CRISP2: variants seen among roughly 807,000 people sequenced by gnomAD.
CRISP2 encodes cysteine rich secretory protein 2.
Under a neutral mutation model 31.7 loss-of-function variants are expected in CRISP2, and 29 were observed. The observed-to-expected ratio is 0.92, with a 90% CI of 0.68 to 1.25. CRISP2 has a LOEUF of 1.25. Ranked by LOEUF, CRISP2 falls within the 50% of genes most tolerant of loss-of-function variation. The probability of loss-of-function intolerance (pLI) is 0.00; values close to 1 mark genes in which losing one functional copy is unlikely to be tolerated. For missense variants in CRISP2, 318 were observed against 286.5 expected (o/e 1.11, Z -0.79); for synonymous variants, 111 against 101.4 (o/e 1.09, Z -0.57).
intron 6 of CRISP2, among the ~76,000 whole-genome samples, chr6:49,698,775 T>C (rs1765179780): frequency 6.6e-6 from 1 of 152,094 alleles, no homozygotes; most frequent in Non-Finnish European, 1.5e-5. Flanking sequence ...ATGCTAAATT[T>C]TCCACATGTG....
rs1485885136 is a variant in CRISP2, at chr6:49,709,199, C to A, written c.-3G>T. On this transcript the variant is annotated 5_prime_UTR_variant, in exon 4 of 10. Transcript: ENST00000339139. Reference sequence around the variant, plus strand: ...AACAACACCGGTAGTAAAGCCATTGCTGGAAACTAAGTCAAGAAAAACAAA... The same window carrying A: ...AACAACACCGGTAGTAAAGCCATTGATGGAAACTAAGTCAAGAAAAACAAA... 1 of 1,613,242 alleles carries A rather than the reference C, an allele frequency of 6.2e-7. No homozygotes were observed. Among genetic ancestry groups the A allele is most frequent in the Admixed American group, 1.7e-5 (1 of 59,992 alleles).
rs754988764 is a variant in CRISP2, at chr6:49,698,462, G to A, written c.317C>T (p.Ser106Phe). ...ENLYMSSDPT[S>F]WSSAIQSWYD... ...CCAGCTTTGGATTGCAGAAGACCAGGAAGTAGGGTCACTTGACATATAGAG... is the reference window on the plus strand; with the variant it reads ...CCAGCTTTGGATTGCAGAAGACCAGAAAGTAGGGTCACTTGACATATAGAG... The change falls in exon 7 of 10, where the codon TCC (serine) becomes TTC (phenylalanine). Residue 106 changes from serine (S) to phenylalanine (F), a missense_variant. By Grantham distance (155) the Ser-to-Phe change is radical. Transcript: ENST00000339139. 5.6e-6 allele frequency: 9 copies of A among 1,613,154 alleles called. 1 individual carries two copies. The South Asian group carries it at 8.8e-5, about 16-fold the overall frequency.
intron 4 of CRISP2, among the ~76,000 whole-genome samples, chr6:49,701,093 C>G (rs192814232): frequency 4.6e-5 from 7 of 152,104 alleles, no homozygotes; most frequent in African/African-American, 1.7e-4. Flanking sequence ...CTAAAAACCC[C>G]TCTGAGGCCA....
chr6:49,711,356 G>A (rs1767977013), intron 2 of CRISP2, 35 bp from the exon 3 acceptor site: 1 of 152,152 alleles, frequency 6.6e-6, no homozygotes, highest in Non-Finnish European at 1.5e-5. Context: ...GTTTAGAGCA[G>A]CATATATATT....
intron 5 of CRISP2, 127 bp downstream of exon 5, chr6:49,700,541 T>C: frequency 1.4e-6 from 1 of 698,912 alleles, no homozygotes; most frequent in Non-Finnish European, 2.6e-6. Context: ...ATATAATGGT[T>C]CAAATAAAAT....
the CRISP2 span, among the ~76,000 whole-genome samples, chr6:49,687,135 T>G: frequency 6.6e-6 from 1 of 152,112 alleles, no homozygotes; most frequent in Non-Finnish European, 1.5e-5. Flanking sequence ...CACACCAACA[T>G]GTCACATGTA....
intron 4 of CRISP2, among the ~76,000 whole-genome samples, chr6:49,708,212 C>A (rs987840368): frequency 3.9e-5 from 6 of 152,022 alleles, no homozygotes; most frequent in South Asian, 2.1e-4. Context: ...AGCTTTCTAA[C>A]CCCATAGACC....
upstream of CRISP2, chr6:49,713,567 G>A (rs1481077044): frequency 6.6e-6 from 1 of 152,242 alleles, no homozygotes; most frequent in Non-Finnish European, 1.5e-5. Flanking sequence ...CACCGCGATT[G>A]TTCACTTGCC....
At chr6:49,704,577 G>A (rs1310168925) in intron 4 of CRISP2, among the ~76,000 whole-genome samples, 1 of 152,094 alleles carries the variant, frequency 6.6e-6, no homozygotes, top group African/African-American at 2.4e-5. Flanking sequence ...CTAGAGATGG[G>A]GCTTCCTGAG....
chr6:49,700,919 A>C (rs563069055), intron 4 of CRISP2, 135 bp from the exon 5 acceptor site: 1 of 526,540 alleles, frequency 1.9e-6, no homozygotes, highest in Non-Finnish European at 3.3e-6. Context: ...ATTAAATACT[A>C]AAGTTATTTA....
Position 49,711,389 on chromosome 6 carries a change from A to T in CRISP2, c.-46-68T>A, listed in dbSNP as rs76783602. 19 of 152,250 alleles carry T rather than the reference A, an allele frequency of 1.2e-4. 1 individual carries two copies. Among genetic ancestry groups the T allele is most frequent in the East Asian group, 1.2e-3 (6 of 5,174 alleles). The allele number at this position is 152,250 out of a possible 1,614,324, so 9.4% of individuals were successfully genotyped here. A position where few individuals can be genotyped will look rare whatever the true frequency, so the allele number is the denominator to read the frequency against. ...ATTACACATATTCCTGTTTTGTCAA[A>T]CTCTGGTTTTGTTAAATAAATCTAA... On this transcript the variant is annotated intron_variant, in intron 2 of 9. Transcript: ENST00000339139.
the CRISP2 span, among the ~76,000 whole-genome samples, chr6:49,682,581 CTTTCT>C: frequency 1.1e-5 from 1 of 88,900 alleles, no homozygotes; most frequent in Non-Finnish European, 2.1e-5. Context: ...CTTTTTCTTT[CTTTCT>C]TTTTCTTTCT....
At chr6:49,683,694 A>AAAAAAATATATATAT in the CRISP2 span, among the ~76,000 whole-genome samples, 2 of 6,178 alleles carry the variant, frequency 3.2e-4, no homozygotes, top group Non-Finnish European at 7.6e-4. Context: ...AAAAAAAAAA[A>AAAAAAATATATATAT]ATATATATAT....
intron 9 of CRISP2, 43 bp from the exon 10 acceptor site, chr6:49,692,943 A>G (rs1157859457): frequency 1.9e-6 from 3 of 1,605,164 alleles, no homozygotes; most frequent in African/African-American, 2.7e-5. Flanking sequence ...CGTTTTCCTC[A>G]GTAAGAGCAA....
chr6:49,704,899 T>C (rs1766748397), intron 4 of CRISP2, among the ~76,000 whole-genome samples: 1 of 152,226 alleles, frequency 6.6e-6, no homozygotes, highest in Non-Finnish European at 1.5e-5. Flanking sequence ...GGCAGTGGAA[T>C]TAACTGCTGT....
chr6:49,683,099 A>G, the CRISP2 span, among the ~76,000 whole-genome samples: 1 of 151,904 alleles, frequency 6.6e-6, no homozygotes. Context: ...CAGAGGTTGT[A>G]GAGAGCTGAG....
chr6:49,677,668 A>G, the CRISP2 span, among the ~76,000 whole-genome samples: 18 of 152,252 alleles, frequency 1.2e-4, no homozygotes, highest in East Asian at 2.9e-3. Context: ...TTATGTATCT[A>G]TTCATTAAAT....
intron 4 of CRISP2, among the ~76,000 whole-genome samples, chr6:49,706,712 C>T (rs1767094490): frequency 6.6e-6 from 1 of 152,138 alleles, no homozygotes; most frequent in East Asian, 1.9e-4. Flanking sequence ...TTTCTGACAC[C>T]TTGCAATAAG....
At chr6:49,709,794 T>C (rs1411172842) in intron 3 of CRISP2, among the ~76,000 whole-genome samples, 1 of 152,188 alleles carries the variant, frequency 6.6e-6, no homozygotes, top group Non-Finnish European at 1.5e-5. Context: ...ATTTTCAAAT[T>C]TCTCTGTATA....
Sources: gnomAD v4.1 joint callset for allele counts (sites outside exome capture counted in the v4.1 genomes callset) on GRCh38, gnomAD v4.1.1 for gene constraint, MANE v1.5 for transcripts, NCBI Gene and HGNC (gene_info 2026-07-23, HGNC 2026-07-21) for gene names.